The following HMCN1 variants were observed in gnomAD, a reference collection of about 807,000 sequenced individuals.
HMCN1 encodes the protein hemicentin 1.
HMCN1 carries 321 observed loss-of-function variants against 625.9 expected under a neutral mutation model. The ratio of observed to expected loss-of-function variants is 0.51; its 90% confidence interval spans 0.47 to 0.56. The LOEUF is 0.56. Ranked by LOEUF, HMCN1 falls within the 20% of genes least tolerant of loss-of-function variation. The pLI is 0.00. For synonymous variants in HMCN1, 2,425 were observed against 2,417.6 expected, an observed-to-expected ratio of 1.00 and a Z score of -0.09; for missense variants, 6,588 against 6,887.3, an observed-to-expected ratio of 0.96 and a Z score of 1.54.
In HMCN1 at chr1:186,145,460, G is replaced by C; in HGVS notation, c.14324G>C (p.Gly4775Ala). ...GGAACATGCAGCCGGACGTGTAACG[G>C]AGGGCAGATGCGGCGGTACCGCACA... ...GWGTCSRTCN[G>A]GQMRRYRTCD... Residue 4775 changes from glycine (G) to alanine (A), a missense_variant, in exon 92 of 107, where the codon GGA becomes GCA. Gly to Ala is a moderately conservative substitution (Grantham distance 60). This residue lies in a region of HMCN1 where 1,954 missense variants were observed against 2,013.1 expected (regional missense o/e 0.97). Coordinates refer to ENST00000271588, the MANE Select transcript of HMCN1 (RefSeq NM_031935.3). The C allele has an allele frequency of 6.2e-7, 1 of 1,608,906 alleles. No individual in the cohort carries two copies. Among genetic ancestry groups the C allele is most frequent in the South Asian group, 1.1e-5 (1 of 90,524 alleles).
At chr1:186,153,697 A>G (rs1472232386) in intron 96 of HMCN1, 53 bp from the exon 97 acceptor site, 38 of 1,488,260 alleles carry the variant, frequency 2.6e-5, no homozygotes, top group African/African-American at 2.8e-5. Flanking sequence ...CCCTTAAGGG[A>G]AAAAAATTAG....
At chr1:185,939,553 C>G (rs981988784) in intron 11 of HMCN1, among the ~76,000 whole-genome samples, 1 of 152,076 alleles carries the variant, frequency 6.6e-6, no homozygotes, top group Non-Finnish European at 1.5e-5. Context: ...AGATCAAATT[C>G]AGGCAGTTAA....
chr1:185,841,320 G>T (rs1317473700), intron 1 of HMCN1, among the ~76,000 whole-genome samples: 1 of 152,066 alleles, frequency 6.6e-6, no homozygotes, highest in Non-Finnish European at 1.5e-5. Flanking sequence ...TTGCCTTACT[G>T]TTTTTTAAAA....
Position 186,130,106 on chromosome 1 carries a change from G to A in HMCN1, c.13039+6G>A. 6.2e-7 allele frequency: 1 copy of A among 1,612,976 alleles called. No homozygotes were observed. On this transcript the variant is annotated splice_donor_region_variant and intron_variant, in intron 84 of 106. Coordinates refer to ENST00000271588, the MANE Select transcript of HMCN1 (RefSeq NM_031935.3). ...TGGATTTGTTTATGTGAAAGGTAGG[G>A]AAAAGCGCTCCATTTTTAATTTATA...
At chr1:186,071,244 A>T (rs1421514667) in intron 52 of HMCN1, among the ~76,000 whole-genome samples, 1 of 152,200 alleles carries the variant, frequency 6.6e-6, no homozygotes, top group Non-Finnish European at 1.5e-5. Flanking sequence ...GATATTCTTT[A>T]AGTATCTTTA....
In HMCN1 at chr1:186,174,503, C is replaced by T; in HGVS notation, c.15815-11C>T. 1.9e-6 allele frequency: 3 copies of T among 1,613,478 alleles called. No homozygotes were observed. Among genetic ancestry groups the T allele is most frequent in the Non-Finnish European group, 1.7e-6 (2 of 1,179,604 alleles). ...AGGAAATGTTACTTCTCATTGCCTC[C>T]ATGTCTGTAGATATTGATGAATGTA... On this transcript the variant is annotated splice_polypyrimidine_tract_variant and intron_variant, in intron 102 of 106. Transcript: ENST00000271588.
At chr1:185,932,369 A>G (rs1006874510) in intron 10 of HMCN1, among the ~76,000 whole-genome samples, 1 of 152,180 alleles carries the variant, frequency 6.6e-6, no homozygotes, top group African/African-American at 2.4e-5. Context: ...TAGGCTTATG[A>G]TATTAATCTG....
intron 46 of HMCN1, among the ~76,000 whole-genome samples, chr1:186,058,600 T>A (rs1657496998): frequency 6.6e-6 from 1 of 151,922 alleles, no homozygotes; most frequent in South Asian, 2.1e-4. Context: ...GAAAGGATTA[T>A]GTTGTTTTTT....
intron 1 of HMCN1, among the ~76,000 whole-genome samples, chr1:185,795,489 G>A (rs1272290085): frequency 6.6e-6 from 1 of 152,116 alleles, no homozygotes; most frequent in Non-Finnish European, 1.5e-5. Flanking sequence ...GTGCCCTCAT[G>A]CCAAGGATGC....
At chr1:186,072,608 G>A (rs890530376) in intron 52 of HMCN1, among the ~76,000 whole-genome samples, 1 of 152,192 alleles carries the variant, frequency 6.6e-6, no homozygotes, top group Non-Finnish European at 1.5e-5. Context: ...CAAGGGTGGA[G>A]AGTGTGATTT....
In HMCN1 at chr1:186,144,280, G is replaced by A; in HGVS notation, c.14032G>A (p.Gly4678Ser). The A allele has an allele frequency of 6.2e-7, 1 of 1,614,024 alleles. No homozygotes were observed. Among genetic ancestry groups the A allele is most frequent in the Non-Finnish European group, 8.5e-7 (1 of 1,179,992 alleles). Residue 4678 changes from glycine (G) to serine (S), a missense_variant, in exon 90 of 107, where the codon GGT becomes AGT. Coordinates refer to ENST00000271588, the MANE Select transcript of HMCN1 (RefSeq NM_031935.3). ...TTGTAATAACCCACCACCAGCGTTT[G>A]GTGGGTCCTACTGTGATGGAGCAGA... ...RLCNNPPPAFGGSYCDGAETQ... is the reference protein window; with the variant it reads ...RLCNNPPPAFSGSYCDGAETQ...
intron 97 of HMCN1, among the ~76,000 whole-genome samples, chr1:186,159,179 TTC>T (rs1003092908): frequency 5.3e-5 from 8 of 152,100 alleles, no homozygotes; most frequent in Non-Finnish European, 1.2e-4. Flanking sequence ...AGGTATTTTA[TTC>T]TCTTTGAAGC....
rs1247706223 is a variant in HMCN1, at chr1:186,160,863, G to A, written c.15257-4248G>A. Among the ~76,000 whole-genome samples, 4 of 150,680 alleles carry A rather than the reference G, an allele frequency of 2.7e-5. No homozygotes were observed. The East Asian group carries it at 5.8e-4, about 22-fold the overall frequency. On this transcript the variant is annotated intron_variant, in intron 97 of 106. Transcript: ENST00000271588. ...CAAGTATGTGGTCAATTTTGGAATA[G>A]GTGTGGTGTGGTGCTGAAAAAAATG...
chr1:185,869,386 G>C (rs1004348937), intron 4 of HMCN1, among the ~76,000 whole-genome samples: 5 of 152,086 alleles, frequency 3.3e-5, no homozygotes, highest in African/African-American at 1.2e-4. Context: ...TCCACACAAG[G>C]TCTGGCACAG....
At chr1:186,147,450 G>A (rs1304510576) in intron 93 of HMCN1, among the ~76,000 whole-genome samples, 36 of 146,732 alleles carry the variant, frequency 2.5e-4, no homozygotes, top group Non-Finnish European at 4.5e-5. Context: ...AATGAATGTA[G>A]TACAGACCAT....
chr1:185,792,807 G>C (rs1392909932), intron 1 of HMCN1, among the ~76,000 whole-genome samples: 2 of 152,068 alleles, frequency 1.3e-5, no homozygotes, highest in African/African-American at 4.8e-5. Context: ...ATTACTGGTA[G>C]GTCTACGATC....
At chr1:186,059,335 A>G (rs187293888) in intron 46 of HMCN1, among the ~76,000 whole-genome samples, 152 of 152,200 alleles carry the variant, frequency 1.0e-3, no homozygotes, top group African/African-American at 3.5e-3. Context: ...CTTTTTAAAA[A>G]ATGTTCACTT....
chr1:186,023,284 T>TA lies in HMCN1; in HGVS notation c.5749+132dup. The stretch of plus-strand genomic sequence containing the variant: ...TTTCTTAGTCTGTATAAAAAAAACC[T>TA]AGGGTTTTTTTTTTTTTTTTACATT... On this transcript the variant is annotated intron_variant, in intron 36 of 106. Transcript: ENST00000271588. 8.1e-6 allele frequency: 6 copies of TA among 736,270 alleles called. No individual in the cohort carries two copies. In the South Asian group the frequency reaches 1.1e-4, roughly 13 times the overall value. The allele number at this position is 736,270 out of a possible 1,614,324, so 45.6% of individuals were successfully genotyped here. A position where few individuals can be genotyped will look rare whatever the true frequency, so the allele number is the denominator to read the frequency against.
intron 1 of HMCN1, among the ~76,000 whole-genome samples, chr1:185,830,878 A>C (rs1660815732): frequency 6.6e-6 from 1 of 151,718 alleles, no homozygotes; most frequent in African/African-American, 2.4e-5. Flanking sequence ...ACAGAGCAAG[A>C]CTCCAATTCA....
Sources: gnomAD v4.1 joint callset for allele counts (sites outside exome capture counted in the v4.1 genomes callset) on GRCh38, gnomAD v4.1.1 for gene constraint, gnomAD v4.1.1 regional missense constraint, MANE v1.5 for transcripts, NCBI Gene and HGNC (gene_info 2026-07-23, HGNC 2026-07-21) for gene names.